The following PTPRN2 variants were observed in gnomAD, a reference collection of about 807,000 sequenced individuals.
PTPRN2 encodes protein tyrosine phosphatase receptor type N2.
PTPRN2 carries 74 observed loss-of-function variants against 118.8 expected under a neutral mutation model. The observed-to-expected ratio is 0.62, with a 90% CI of 0.52 to 0.76. The LOEUF is 0.76. Ranked by LOEUF, PTPRN2 falls within the 30% of genes least tolerant of loss-of-function variation. The pLI is 0.00. For synonymous variants in PTPRN2, 641 were observed against 608.0 expected, an observed-to-expected ratio of 1.05 and a Z score of -0.80; for missense variants, 1,481 against 1,394.4, an observed-to-expected ratio of 1.06 and a Z score of -0.99.
At chr7:158,547,626 A>G (rs967449477) in intron 1 of PTPRN2, among the ~76,000 whole-genome samples, 1 of 152,230 alleles carries the variant, frequency 6.6e-6, no homozygotes, top group Non-Finnish European at 1.5e-5. Context: ...GGAGGACGGA[A>G]GAGGCAGGGA....
chr7:157,860,326 G>A lies in PTPRN2; in HGVS notation c.1788+38347C>T, dbSNP rs571008066. Among the ~76,000 whole-genome samples the A allele has an allele frequency of 7.2e-5, 11 of 152,298 alleles. No homozygotes were observed. In the East Asian group the frequency reaches 1.5e-3, roughly 21 times the overall value. Reference sequence around the variant, plus strand: ...CAAGACTCTCTCTAGGGATGTCCACGTGACCCCAGAGAAGCAGCCCACCCC... The same window carrying A: ...CAAGACTCTCTCTAGGGATGTCCACATGACCCCAGAGAAGCAGCCCACCCC... On this transcript the variant is annotated intron_variant, in intron 12 of 22. Transcript: ENST00000389418.
intron 12 of PTPRN2, among the ~76,000 whole-genome samples, chr7:157,812,573 A>C (rs1337240170): frequency 6.6e-6 from 1 of 152,200 alleles, no homozygotes; most frequent in African/African-American, 2.4e-5. Flanking sequence ...AAAAGAAAGA[A>C]GTTGTCAGAG....
At chr7:158,507,973 C>CAA (rs1822888535) in intron 1 of PTPRN2, among the ~76,000 whole-genome samples, 1 of 150,946 alleles carries the variant, frequency 6.6e-6, no homozygotes, top group African/African-American at 2.4e-5. Flanking sequence ...GAGGACCATC[C>CAA]GGGGAACAGC....
At chr7:158,569,275 C>A (rs1270921033) in intron 1 of PTPRN2, among the ~76,000 whole-genome samples, 1 of 149,534 alleles carries the variant, frequency 6.7e-6, no homozygotes, top group Non-Finnish European at 1.5e-5. Flanking sequence ...CCCAGGGAGG[C>A]CCCGTGTCCC....
chr7:158,031,159 C>T (rs1297173869), intron 11 of PTPRN2: 1 of 152,222 alleles, frequency 6.6e-6, no homozygotes, highest in Non-Finnish European at 1.5e-5. Flanking sequence ...TTAATATTTT[C>T]CCAGTCTTCC....
intron 12 of PTPRN2, among the ~76,000 whole-genome samples, chr7:157,858,248 C>CT (rs1563179407): frequency 2.0e-3 from 12 of 6,118 alleles, no homozygotes; most frequent in Non-Finnish European, 3.0e-3. Context: ...CAGGGAGAGC[C>CT]CCGTCACCAC....
At chr7:157,747,590 G>C (rs1801064737) in intron 12 of PTPRN2, among the ~76,000 whole-genome samples, 1 of 125,320 alleles carries the variant, frequency 8.0e-6, no homozygotes, top group Non-Finnish European at 1.7e-5. Context: ...TCTGAGCTGT[G>C]GGGTGTCCGG....
intron 2 of PTPRN2, among the ~76,000 whole-genome samples, chr7:158,340,035 T>C (rs1298231937): frequency 1.6e-3 from 56 of 35,470 alleles, no homozygotes; most frequent in East Asian, 2.3e-3. Flanking sequence ...AGAGGTGACA[T>C]ATGCAGACGT....
At chr7:158,205,368 G>A in intron 3 of PTPRN2, 95 bp from the exon 4 acceptor site, 1 of 855,768 alleles carries the variant, frequency 1.2e-6, no homozygotes, top group Non-Finnish European at 1.9e-6. Flanking sequence ...TCAGCATTAA[G>A]TTGATGGTCC....
At chr7:158,444,131 G>A (rs1817568136) in intron 2 of PTPRN2, among the ~76,000 whole-genome samples, 1 of 152,208 alleles carries the variant, frequency 6.6e-6, no homozygotes, top group South Asian at 2.1e-4. Context: ...CAACAGGCAG[G>A]GAGACAGGCA....
Position 157,630,002 on chromosome 7 carries a change from A to G in PTPRN2, c.2197-8493T>C, listed in dbSNP as rs1282504847. On this transcript the variant is annotated intron_variant, in intron 14 of 22. Transcript: ENST00000389418. Reference sequence around the variant, plus strand: ...CTTTTCTTTCTTTAAAAATAAACACAGTCACCTGTCTTCATTAATACATGA... The same window carrying G: ...CTTTTCTTTCTTTAAAAATAAACACGGTCACCTGTCTTCATTAATACATGA... 5.3e-5 allele frequency among the ~76,000 whole-genome samples: 8 copies of G among 152,216 alleles called. No individual in the cohort carries two copies. The South Asian group carries it at 8.3e-4, about 16-fold the overall frequency.
chr7:158,179,850 T>A (rs1434584392), intron 5 of PTPRN2, among the ~76,000 whole-genome samples: 1 of 152,232 alleles, frequency 6.6e-6, no homozygotes, highest in Non-Finnish European at 1.5e-5. Flanking sequence ...CCCCTTTCCA[T>A]GGCAATGACC....
intron 2 of PTPRN2, among the ~76,000 whole-genome samples, chr7:158,445,100 G>T (rs796339779): frequency 3.3e-5 from 5 of 152,072 alleles, no homozygotes; most frequent in African/African-American, 1.2e-4. Context: ...CTTCACCCTC[G>T]CTGGGCAAGA....
rs979876954 is a variant in PTPRN2, at chr7:157,929,706, T to G, written c.1724-30969A>C. On this transcript the variant is annotated intron_variant, in intron 11 of 22. Transcript: ENST00000389418. This position sits in a 1 kb window ranked among gnomAD's most constrained non-coding sequence, Gnocchi z 4.4. The stretch of plus-strand genomic sequence containing the variant: ...CTGTAAGACTTCCCTGTCCCTCGGG[T>G]GGGGGCGGCATCCTCACAGGGGTGA... Among the ~76,000 whole-genome samples the G allele has an allele frequency of 1.0e-5, 1 of 98,936 alleles. No homozygotes were observed. Among genetic ancestry groups the G allele is most frequent in the Admixed American group, 1.2e-4 (1 of 8,538 alleles). 64.9% of individuals were successfully genotyped at this position (98,936 alleles called of 152,430 possible).
chr7:158,356,655 T>C (rs1256754947), intron 2 of PTPRN2, among the ~76,000 whole-genome samples: 1 of 152,074 alleles, frequency 6.6e-6, no homozygotes, highest in Non-Finnish European at 1.5e-5. Context: ...CCAGGCACCA[T>C]GCTGAGCGCT....
intron 12 of PTPRN2, among the ~76,000 whole-genome samples, chr7:157,754,792 C>A (rs757694867): frequency 6.6e-6 from 1 of 152,216 alleles, no homozygotes; most frequent in African/African-American, 2.4e-5. Context: ...TAAAAGGTGG[C>A]GTAAACACTG....
At chr7:158,249,065 CACACAT>C (rs1796472589) in intron 3 of PTPRN2, among the ~76,000 whole-genome samples, 1 of 151,472 alleles carries the variant, frequency 6.6e-6, no homozygotes, top group African/African-American at 2.4e-5. Flanking sequence ...ACCCACATCA[CACACAT>C]ACACCACACA....
chr7:157,937,363 G>A (rs769987472), intron 11 of PTPRN2, among the ~76,000 whole-genome samples: 7 of 152,314 alleles, frequency 4.6e-5, no homozygotes, highest in South Asian at 2.1e-4. Flanking sequence ...CAGAATTTCC[G>A]TCTAACTGAG....
intron 12 of PTPRN2, among the ~76,000 whole-genome samples, chr7:157,798,991 T>C (rs1362055203): frequency 6.6e-6 from 1 of 152,182 alleles, no homozygotes; most frequent in Non-Finnish European, 1.5e-5. Context: ...ATACCACCCC[T>C]GTGACTAGGG....
Sources: allele counts gnomAD v4.1 joint callset (sites outside exome capture counted in the v4.1 genomes callset), GRCh38; gene constraint gnomAD v4.1.1; non-coding constraint Gnocchi (gnomAD v3.1); transcripts MANE v1.5; gene names NCBI Gene and HGNC (gene_info 2026-07-23, HGNC 2026-07-21).